CTNNA3: variants seen among roughly 807,000 people sequenced by gnomAD.
The protein encoded by CTNNA3 is catenin alpha-3.
A neutral mutation model predicts 95.7 loss-of-function variants in CTNNA3; 76 were observed. The observed-to-expected ratio is 0.79, with a 90% CI of 0.66 to 0.96. The LOEUF (loss-of-function observed/expected upper bound fraction) is 0.96. CTNNA3 is among the 40% of genes least tolerant of loss of function. CTNNA3 has a pLI of 0.00. For missense variants in CTNNA3, 1,191 were observed against 1,089.8 expected (o/e 1.09, Z -1.31); for synonymous variants, 431 against 374.4 (o/e 1.15, Z -1.74).
intron 12 of CTNNA3, among the ~76,000 whole-genome samples, chr10:66,297,558 C>T (rs915690838): frequency 6.6e-6 from 1 of 152,140 alleles, no homozygotes; most frequent in Non-Finnish European, 1.5e-5. Flanking sequence ...ATCTCTTCCT[C>T]GTGTCCTCTA....
In CTNNA3 at chr10:66,481,573, G is replaced by T. The variant is rs564079613; in HGVS notation, c.1531+39044C>A. Among the ~76,000 whole-genome samples the T allele has an allele frequency of 1.5e-4, 19 of 127,828 alleles. 1 individual carries two copies. Among genetic ancestry groups the T allele is most frequent in the Non-Finnish European group, 2.2e-4 (14 of 64,348 alleles). The allele number at this position is 127,828 out of a possible 152,430, so 83.9% of individuals were successfully genotyped here. ...TGCAAGCTCCGCCTCCCGGGTTCAC[G>T]CCATTCTCCTGCCTCAGCCTCCCGA... On this transcript the variant is annotated intron_variant, in intron 11 of 17. Transcript: ENST00000433211.
chr10:67,700,306 T>C (rs967493143), upstream of CTNNA3, among the ~76,000 whole-genome samples: 4 of 152,174 alleles, frequency 2.6e-5, no homozygotes, highest in Non-Finnish European at 5.9e-5. Flanking sequence ...GATCTGAGAA[T>C]GGGCAGACTG....
intron 1 of CTNNA3, chr10:67,750,647 T>C (rs769368119): frequency 2.3e-5 from 36 of 1,548,870 alleles, no homozygotes; most frequent in Non-Finnish European, 2.9e-5. Flanking sequence ...GGGGATGATT[T>C]TTTCCGCAAA....
chr10:67,492,402 T>C (rs1469387194), intron 5 of CTNNA3, among the ~76,000 whole-genome samples: 3 of 152,170 alleles, frequency 2.0e-5, no homozygotes, highest in Non-Finnish European at 4.4e-5. Context: ...TAATAAAAAA[T>C]AGTATATACA....
intron 7 of CTNNA3, among the ~76,000 whole-genome samples, chr10:66,786,762 A>G (rs1013833996): frequency 6.6e-6 from 1 of 152,190 alleles, no homozygotes; most frequent in African/African-American, 2.4e-5. Context: ...TGAAATATGC[A>G]TTATTGGGGG....
chr10:66,124,170 C>A (rs1370725668), intron 13 of CTNNA3, among the ~76,000 whole-genome samples: 1 of 152,004 alleles, frequency 6.6e-6, no homozygotes, highest in Non-Finnish European at 1.5e-5. Flanking sequence ...ACCCAAGTCA[C>A]ATCTTGAATG....
intron 12 of CTNNA3, among the ~76,000 whole-genome samples, chr10:66,315,588 G>A (rs2092090412): frequency 6.6e-6 from 1 of 151,680 alleles, no homozygotes; most frequent in Non-Finnish European, 1.5e-5. Context: ...ATATACACTT[G>A]CTAATTATTT....
At chr10:66,926,888 G>C in intron 7 of CTNNA3, 1 of 1,520,562 alleles carries the variant, frequency 6.6e-7, no homozygotes, top group Non-Finnish European at 8.8e-7. Context: ...CTTTTTTGGG[G>C]GGATAACTTT....
chr10:66,878,988 T>G (rs1844740248), intron 7 of CTNNA3, among the ~76,000 whole-genome samples: 1 of 152,200 alleles, frequency 6.6e-6, no homozygotes, highest in South Asian at 2.1e-4. Flanking sequence ...TGTCAGGCAC[T>G]GTGATTAGTG....
At position 67,090,828 on chromosome 10, in the gene CTNNA3, T is replaced by G. The variant is rs553684293; in HGVS notation, c.1047+89489A>C. 6.6e-5 allele frequency among the ~76,000 whole-genome samples: 10 copies of G among 152,036 alleles called. No homozygotes were observed. In the South Asian group the frequency reaches 2.1e-3, roughly 32 times the overall value. On this transcript the variant is annotated intron_variant, in intron 7 of 17. Transcript: ENST00000433211. ...TGCAGAAATCCTAAAGAAACTAAGG[T>G]AGAACCTGCGGTAACATCTAGGCCG...
At chr10:67,608,747 G>T (rs973757360) in intron 2 of CTNNA3, among the ~76,000 whole-genome samples, 2 of 152,006 alleles carry the variant, frequency 1.3e-5, no homozygotes, top group African/African-American at 4.8e-5. Flanking sequence ...TAAAAATTAA[G>T]CTTCTGTATT....
intron 5 of CTNNA3, among the ~76,000 whole-genome samples, chr10:67,233,342 T>C (rs1281181674): frequency 2.4e-4 from 37 of 151,332 alleles, no homozygotes; most frequent in Admixed American, 2.2e-3. Flanking sequence ...AAACTAGAAC[T>C]CAGGATTAAG....
chr10:67,433,993 C>G (rs760754191), intron 5 of CTNNA3, among the ~76,000 whole-genome samples: 1 of 152,066 alleles, frequency 6.6e-6, no homozygotes, highest in Non-Finnish European at 1.5e-5. Context: ...AGATTTCTAT[C>G]TAGCCTGGGT....
At chr10:67,483,769 T>TAAAAAAAAAAAAAAAAAAAA (rs1848336238) in intron 5 of CTNNA3, among the ~76,000 whole-genome samples, 1 of 91,440 alleles carries the variant, frequency 1.1e-5, no homozygotes, top group Non-Finnish European at 2.1e-5. Flanking sequence ...AATAAAAAAA[T>TAAAAAAAAAAAAAAAAAAAA]AAAAATTAAA....
rs191228402 is a variant in CTNNA3, at chr10:66,056,460, A to C, written c.2159+12848T>G. ...TATTTTGTTGAGTATTTTTTTTATC[A>C]TGTTCATCAGAGGTATTGGCCTGTC... On this transcript the variant is annotated intron_variant, in intron 15 of 17. Coordinates refer to ENST00000433211, the MANE Select transcript of CTNNA3 (RefSeq NM_013266.4). Among the ~76,000 whole-genome samples, 2 of 151,928 alleles carry C rather than the reference A, an allele frequency of 1.3e-5. 1 individual carries two copies. The highest frequency in any genetic ancestry group is 1.3e-4 in the Admixed American group (2 of 15,266).
intron 11 of CTNNA3, among the ~76,000 whole-genome samples, chr10:66,415,735 G>T (rs777790616): frequency 2.0e-4 from 31 of 152,068 alleles, no homozygotes; most frequent in Admixed American, 3.9e-4. Flanking sequence ...GATATCACTG[G>T]CACTGTTTGT....
chr10:66,160,923 A>G (rs907260692), intron 13 of CTNNA3, among the ~76,000 whole-genome samples: 1 of 152,138 alleles, frequency 6.6e-6, no homozygotes, highest in Non-Finnish European at 1.5e-5. Context: ...GCCTTTTACC[A>G]TTATATAATG....
intron 5 of CTNNA3, among the ~76,000 whole-genome samples, chr10:67,312,805 T>C (rs766680743): frequency 2.0e-5 from 3 of 152,198 alleles, no homozygotes; most frequent in Non-Finnish European, 4.4e-5. Context: ...GCCTGAATCA[T>C]GGAGGGTTTT....
At chr10:66,182,951 G>C (rs2086133280) in intron 13 of CTNNA3, among the ~76,000 whole-genome samples, 1 of 152,154 alleles carries the variant, frequency 6.6e-6, no homozygotes, top group African/African-American at 2.4e-5. Flanking sequence ...TGATGAAATG[G>C]ACTCTCACTC....
Sources: gnomAD v4.1 joint callset for allele counts (sites outside exome capture counted in the v4.1 genomes callset) on GRCh38, gnomAD v4.1.1 for gene constraint, MANE v1.5 for transcripts, NCBI Gene and HGNC (gene_info 2026-07-23, HGNC 2026-07-21) for gene names.